Variants in FGF6 observed in about 807,000 individuals in gnomAD.
FGF6 encodes the protein fibroblast growth factor 6.
FGF6 carries 14 observed loss-of-function variants against 18.4 expected under a neutral mutation model. The observed-to-expected ratio is 0.76, with a 90% confidence interval of 0.50 to 1.19. The LOEUF (loss-of-function observed/expected upper bound fraction) is 1.19, where lower values mean the gene tolerates loss of function less well. FGF6 is among the 50% of genes most tolerant of loss of function. The pLI is 0.00. For synonymous variants in FGF6, 125 were observed against 116.7 expected (o/e 1.07, Z -0.46); for missense variants, 266 against 271.6 (o/e 0.98, Z 0.15).
At chr12:4,434,771 CACA>C in intron 2 of FGF6, among the ~76,000 whole-genome samples, 1 of 152,164 alleles carries the variant, frequency 6.6e-6, no homozygotes, top group Non-Finnish European at 1.5e-5. Flanking sequence ...CAGGAAATGA[CACA>C]AGCTGTTTTC....
intron 1 of FGF6, 132 bp from the exon 2 acceptor site, chr12:4,444,368 C>T (rs1440643346): frequency 1.6e-6 from 1 of 624,654 alleles, no homozygotes; most frequent in African/African-American, 1.8e-5. Context: ...ATCCATGATC[C>T]CTCTAACTCT....
In FGF6 at chr12:4,444,344, C is replaced by T. The variant is rs1378659399; in HGVS notation, c.347-108G>A. On this transcript the variant is annotated intron_variant, in intron 1 of 2. Coordinates refer to ENST00000228837, the MANE Select transcript of FGF6 (RefSeq NM_020996.3). ...ATCCCCCTTCTCCTAGAAAGCCAGACTCTCCATTGCCCCATCCATGATCCC... is the reference window on the plus strand; with the variant it reads ...ATCCCCCTTCTCCTAGAAAGCCAGATTCTCCATTGCCCCATCCATGATCCC... 4 of 708,678 alleles carry T rather than the reference C, an allele frequency of 5.6e-6. No individual in the cohort carries two copies. In the East Asian group the frequency reaches 8.1e-5, roughly 14 times the overall value. 43.9% of individuals were successfully genotyped at this position (708,678 alleles called of 1,614,324 possible). A position where few individuals can be genotyped will look rare whatever the true frequency, so the allele number is the denominator to read the frequency against.
At chr12:4,436,038 G>A (rs537354603) in intron 2 of FGF6, among the ~76,000 whole-genome samples, 12 of 152,188 alleles carry the variant, frequency 7.9e-5, no homozygotes, top group South Asian at 2.1e-4. Flanking sequence ...AAAAAAACCC[G>A]CTCGATGGCT....
intron 2 of FGF6, among the ~76,000 whole-genome samples, chr12:4,440,085 G>A (rs995791993): frequency 6.6e-6 from 1 of 152,144 alleles, no homozygotes. Flanking sequence ...CGAGCCAAGT[G>A]AACGCCATGT....
At position 4,444,156 on chromosome 12, in the gene FGF6, T is replaced by C. The variant is rs1422079813; in HGVS notation, c.427A>G (p.Ser143Gly). 7.4e-6 allele frequency: 12 copies of C among 1,613,196 alleles called. No individual in the cohort carries two copies. The highest frequency in any genetic ancestry group is 1.0e-5 in the Non-Finnish European group (12 of 1,179,304). The change falls in exon 2 of 3, where the codon AGT (serine) becomes GGT (glycine). Residue 143 changes from serine to glycine, a missense_variant. Physicochemically the swap from Ser to Gly is moderately conservative, Grantham distance 56. Coordinates refer to ENST00000228837, the MANE Select transcript of FGF6 (RefSeq NM_020996.3). ...ACCGTTGCGTACAATCTTCCTTTAC[T>C]GTTCATGGCAACGAAGAGGGCACTT... ...VRSALFVAMN[S>G]KGRLYATPSF...
At chr12:4,444,832 T>A (rs1350330757) in intron 1 of FGF6, among the ~76,000 whole-genome samples, 1 of 152,202 alleles carries the variant, frequency 6.6e-6, no homozygotes. Flanking sequence ...CAATTGAATT[T>A]CCCTTCCTTC....
intron 2 of FGF6, among the ~76,000 whole-genome samples, chr12:4,443,730 A>G (rs2970826): frequency 0.97 from 147,678 of 152,292 alleles, 71,777 homozygotes; most frequent in East Asian, 1. Flanking sequence ...AGGCTGGGGC[A>G]TCTTGCAGGG....
chr12:4,436,580 G>T (rs549947737), intron 2 of FGF6, among the ~76,000 whole-genome samples: 1 of 152,202 alleles, frequency 6.6e-6, no homozygotes, highest in South Asian at 2.1e-4. Context: ...TTGCTCCGCC[G>T]CACTCCAGCC....
Position 4,445,146 on chromosome 12 carries a change from A to T in FGF6, c.346+79T>A. ...CCCTTTATCGTGCATCCTGTCCGCTAGAGCAGGGCCCCTTCACCTTTTAGC... is the reference window on the plus strand; with the variant it reads ...CCCTTTATCGTGCATCCTGTCCGCTTGAGCAGGGCCCCTTCACCTTTTAGC... On this transcript the variant is annotated intron_variant, in intron 1 of 2. Coordinates refer to ENST00000228837, the MANE Select transcript of FGF6 (RefSeq NM_020996.3). The surrounding 1 kb of genome is among the most constrained non-coding windows in gnomAD (Gnocchi z 5.5). The T allele has an allele frequency of 2.5e-6, 3 of 1,213,578 alleles. No individual in the cohort carries two copies. Among genetic ancestry groups the T allele is most frequent in the Non-Finnish European group, 3.5e-6 (3 of 863,434 alleles). 75.2% of individuals were successfully genotyped at this position (1,213,578 alleles called of 1,614,324 possible).
At position 4,445,074 on chromosome 12, in the gene FGF6, A is replaced by G. The variant is rs767027634; in HGVS notation, c.346+151T>C. 1.3e-5 allele frequency: 9 copies of G among 702,750 alleles called. No homozygotes were observed. Among genetic ancestry groups the G allele is most frequent in the Admixed American group, 2.8e-5 (1 of 36,034 alleles). 43.5% of individuals were successfully genotyped at this position (702,750 alleles called of 1,614,324 possible). On this transcript the variant is annotated intron_variant, in intron 1 of 2. Coordinates refer to ENST00000228837, the MANE Select transcript of FGF6 (RefSeq NM_020996.3). This position sits in a 1 kb window ranked among gnomAD's most constrained non-coding sequence, Gnocchi z 5.5. ...ACCGCAGTATATTGAGCTTGCACCC[A>G]GGCAGGGTCACGTGGAATCATCTAA...
intron 2 of FGF6, among the ~76,000 whole-genome samples, chr12:4,443,134 G>A (rs1253636786): frequency 1.3e-5 from 2 of 152,120 alleles, no homozygotes; most frequent in African/African-American, 2.4e-5. Context: ...AAGATTATGG[G>A]GTGGAGGCCA....
chr12:4,439,085 T>G (rs1012982024), intron 2 of FGF6, among the ~76,000 whole-genome samples: 2 of 152,214 alleles, frequency 1.3e-5, no homozygotes, highest in African/African-American at 4.8e-5. Context: ...GGAGTGAGAC[T>G]TTCCATAGAA....
In FGF6 at chr12:4,445,091, A is replaced by G; in HGVS notation, c.346+134T>C. 1.3e-6 allele frequency: 1 copy of G among 761,846 alleles called. No homozygotes were observed. The highest frequency in any genetic ancestry group is 2.1e-6 in the Non-Finnish European group (1 of 479,582). 47.2% of individuals were successfully genotyped at this position (761,846 alleles called of 1,614,324 possible). On this transcript the variant is annotated intron_variant, in intron 1 of 2. Coordinates refer to ENST00000228837, the MANE Select transcript of FGF6 (RefSeq NM_020996.3). This position sits in a 1 kb window ranked among gnomAD's most constrained non-coding sequence, Gnocchi z 5.5. Reference sequence around the variant, plus strand: ...TTGCACCCAGGCAGGGTCACGTGGAATCATCTAAGTGGTGAGCAGCATTTC... The same window carrying G: ...TTGCACCCAGGCAGGGTCACGTGGAGTCATCTAAGTGGTGAGCAGCATTTC...
intron 2 of FGF6, 71 bp from the exon 3 acceptor site, chr12:4,434,462 G>T: frequency 6.9e-7 from 1 of 1,455,302 alleles, no homozygotes; most frequent in Non-Finnish European, 9.6e-7. Context: ...CAGCTGGGCC[G>T]CAGAGAGTAG....
At chr12:4,444,079 T>C (rs1865725731) in intron 2 of FGF6, 54 bp downstream of exon 2, 4 of 1,136,404 alleles carry the variant, frequency 3.5e-6, no homozygotes, top group Non-Finnish European at 5.3e-6. Context: ...TTTCTTCAAC[T>C]GTGTAAGCAT....
rs1215818306 is a variant in FGF6 at position 4,445,562 on chromosome 12, C to T, written c.9G>A (p.Leu3=). The T allele has an allele frequency of 6.3e-7, 1 of 1,584,444 alleles. No individual in the cohort carries two copies. The highest frequency in any genetic ancestry group is 8.6e-7 in the Non-Finnish European group (1 of 1,163,126). MA[L]GQKLFITMSR... is the part of the protein sequence containing the mutation. ...ACATAGTGATGAACAGTTTCTGTCC[C>T]AGGGCCATCCACCTTGCCTCTCAGG... is the stretch of plus-strand genomic sequence containing the variant. Residue 3 remains leucine, a synonymous_variant, in exon 1 of 3, where the codon CTG becomes CTA. Transcript: ENST00000228837. This position sits in a 1 kb window ranked among gnomAD's most constrained non-coding sequence, Gnocchi z 5.5.
Position 4,444,251 on chromosome 12 carries a change from G to A in FGF6, c.347-15C>T. On this transcript the variant is annotated splice_polypyrimidine_tract_variant and intron_variant, in intron 1 of 2. Coordinates refer to ENST00000228837, the MANE Select transcript of FGF6 (RefSeq NM_020996.3). The stretch of plus-strand genomic sequence containing the variant: ...TTCCAGCAGGCCTGACAAGGAAAGG[G>A]GGGCCACATTACCTAAGGCTTGTGC... 3 of 1,565,336 alleles carry A rather than the reference G, an allele frequency of 1.9e-6. No homozygotes were observed. The highest frequency in any genetic ancestry group is 1.7e-5 in the Admixed American group (1 of 59,832).
chr12:4,445,582 C>T lies in FGF6; in HGVS notation c.-12G>A. 1 of 1,561,870 alleles carries T rather than the reference C, an allele frequency of 6.4e-7. No individual in the cohort carries two copies. Among genetic ancestry groups the T allele is most frequent in the African/African-American group, 1.3e-5 (1 of 74,102 alleles). On this transcript the variant is annotated 5_prime_UTR_variant, in exon 1 of 3. Transcript: ENST00000228837. The surrounding 1 kb of genome is among the most constrained non-coding windows in gnomAD (Gnocchi z 5.5). ...TGTCCCAGGGCCATCCACCTTGCCT[C>T]TCAGGCACGTGGTCAGAATTAATGG...
intron 2 of FGF6, among the ~76,000 whole-genome samples, chr12:4,443,598 G>A (rs534029750): frequency 6.6e-6 from 1 of 152,302 alleles, no homozygotes; most frequent in South Asian, 2.1e-4. Context: ...AGTGTATAAC[G>A]GGTAGGCTGC....
Sources: allele counts gnomAD v4.1 joint callset (sites outside exome capture counted in the v4.1 genomes callset), GRCh38; gene constraint gnomAD v4.1.1; non-coding constraint Gnocchi (gnomAD v3.1); transcripts MANE v1.5; gene names NCBI Gene and HGNC (gene_info 2026-07-23, HGNC 2026-07-21).